ZDHHC15: variants seen among roughly 807,000 people sequenced by gnomAD.
ZDHHC15 encodes zDHHC palmitoyltransferase 15.
Under a neutral mutation model 31.7 loss-of-function variants are expected in ZDHHC15, and 19 were observed. That is an observed-to-expected ratio of 0.60 (90% CI 0.42 to 0.88). The LOEUF (loss-of-function observed/expected upper bound fraction) is 0.88. Ranked by LOEUF, ZDHHC15 falls within the 40% of genes least tolerant of loss-of-function variation. ZDHHC15 has a pLI of 0.00. For synonymous variants in ZDHHC15, 103 were observed against 90.0 expected (o/e 1.14, Z -0.82); for missense variants, 209 against 251.2 (o/e 0.83, Z 1.14).
At chrX:75,480,152 A>G (rs1245844362) in intron 2 of ZDHHC15, among the ~76,000 whole-genome samples, 1 of 111,402 alleles carries the variant, frequency 9.0e-6, no homozygotes, top group Non-Finnish European at 1.9e-5. Flanking sequence ...TTGAATTGAA[A>G]AAAAAAGAGA....
chrX:75,500,284 A>ATAC (rs1452945504), intron 2 of ZDHHC15, among the ~76,000 whole-genome samples: 1 of 109,885 alleles, frequency 9.1e-6, no homozygotes, highest in Non-Finnish European at 1.9e-5. Flanking sequence ...AATAATAATA[A>ATAC]TAATAAATGG....
intron 10 of ZDHHC15, among the ~76,000 whole-genome samples, chrX:75,414,426 C>CTTTTTTTTT (rs1177332052): frequency 4.5e-5 from 3 of 66,202 alleles, no homozygotes; most frequent in Admixed American, 2.5e-4. Context: ...CATATTTTAT[C>CTTTTTTTTT]TTTTTTTTTT....
At chrX:75,473,902 G>T (rs1488549865) in intron 3 of ZDHHC15, among the ~76,000 whole-genome samples, 2 of 111,808 alleles carry the variant, frequency 1.8e-5, no homozygotes, top group Non-Finnish European at 3.8e-5. Flanking sequence ...TTATGTAATA[G>T]CATTTGGTTT....
intron 3 of ZDHHC15, among the ~76,000 whole-genome samples, chrX:75,452,208 GAA>G (rs139024642): frequency 0.098 from 8,293 of 84,911 alleles, 1,047 homozygotes; most frequent in East Asian, 0.79. Flanking sequence ...AATAGAAAGC[GAA>G]AAAAAAAAAA....
In ZDHHC15 at chrX:75,504,263, G is replaced by T. The variant is rs188296839; in HGVS notation, c.163+1558C>A. Among the ~76,000 whole-genome samples, 413 of 111,302 alleles carry T rather than the reference G, an allele frequency of 3.7e-3. 4 individuals are homozygous for T. The highest frequency in any genetic ancestry group is 0.013 in the African/African-American group (388 of 30,742). ...TTTCTTAAGCTTTGGAGACTGAAAG[G>T]TTATGTGATTTGAGGCTTTAATTTC... On this transcript the variant is annotated intron_variant, in intron 2 of 11. Transcript: ENST00000373367.
rs759887393 is a variant in ZDHHC15, at chrX:75,417,161, C to T, written c.893G>A (p.Arg298Lys). The T allele has an allele frequency of 8.3e-7, 1 of 1,205,811 alleles. No homozygotes were observed. The highest frequency in any genetic ancestry group is 3.0e-5 in the East Asian group (1 of 33,614). The change falls in exon 10 of 12, where the codon AGG becomes AAG. Residue 298 changes from arginine (R) to lysine (K), a missense_variant. Arg to Lys is a conservative substitution (Grantham distance 26, BLOSUM62 2). Coordinates refer to ENST00000373367, the MANE Select transcript of ZDHHC15 (RefSeq NM_144969.3). ...SPGDGHSFPM[R>K]SMNESQNPLL... ...TGGGTTCTGTGACTCATTCATAGACCTCATAGGGAAGGAGTGTCCATCACC... is the reference window on the plus strand; with the variant it reads ...TGGGTTCTGTGACTCATTCATAGACTTCATAGGGAAGGAGTGTCCATCACC...
intron 7 of ZDHHC15, among the ~76,000 whole-genome samples, chrX:75,428,152 C>T (rs1263149255): frequency 9.0e-6 from 1 of 111,009 alleles, no homozygotes; most frequent in Non-Finnish European, 1.9e-5. Context: ...GCTCTGTCCA[C>T]ATCTGTCTTT....
chrX:75,433,176 T>C (rs1486004575), intron 4 of ZDHHC15, among the ~76,000 whole-genome samples: 1 of 112,182 alleles, frequency 8.9e-6, no homozygotes, highest in Non-Finnish European at 1.9e-5. Flanking sequence ...GCTGCCTATC[T>C]GCTCTTGTAA....
intron 10 of ZDHHC15, among the ~76,000 whole-genome samples, chrX:75,407,563 C>T (rs1367543843): frequency 4.6e-5 from 5 of 109,653 alleles, no homozygotes; most frequent in African/African-American, 9.9e-5. Flanking sequence ...GGGCAGCCCC[C>T]GCCCGGCCAG....
At chrX:75,373,926 G>GTTTTTTCTTTTTTTTT (rs2083027962) in intron 11 of ZDHHC15, among the ~76,000 whole-genome samples, 1 of 50,455 alleles carries the variant, frequency 2.0e-5, no homozygotes, top group African/African-American at 7.6e-5. Context: ...CATTCTTTCT[G>GTTTTTTCTTTTTTTTT]TTTTTTTTTT....
At chrX:75,387,487 C>A (rs1370273412) in intron 10 of ZDHHC15, among the ~76,000 whole-genome samples, 1 of 111,093 alleles carries the variant, frequency 9.0e-6, no homozygotes, top group Non-Finnish European at 1.9e-5. Context: ...TAGAAAAAAT[C>A]AGACAGAAAT....
chrX:75,442,612 AAGG>A lies in ZDHHC15; in HGVS notation c.379+8187_379+8189del, dbSNP rs760716828. On this transcript the variant is annotated intron_variant, in intron 4 of 11. Transcript: ENST00000373367. ...TACAAGGGATGTGAAGGACCTTTTC[AAGG>A]AGAACTACAAACTACTGCTCAATGA... Among the ~76,000 whole-genome samples the A allele has an allele frequency of 5.8e-3, 656 of 112,146 alleles. 4 individuals carry two copies. Among genetic ancestry groups the A allele is most frequent in the African/African-American group, 0.02 (615 of 30,883 alleles).
intron 10 of ZDHHC15, among the ~76,000 whole-genome samples, chrX:75,401,662 A>G (rs996834086): frequency 3.6e-5 from 4 of 112,328 alleles, no homozygotes; most frequent in African/African-American, 1.3e-4. Context: ...ACATAATGGT[A>G]AAGGGTTCGA....
chrX:75,407,632 TG>T (rs1367537823), intron 10 of ZDHHC15, among the ~76,000 whole-genome samples: 1 of 98,145 alleles, frequency 1.0e-5, no homozygotes, highest in Non-Finnish European at 2.1e-5. Flanking sequence ...GTCTGGGAGG[TG>T]GGGGGCGCCT....
chrX:75,412,132 TG>T (rs2083491596), intron 10 of ZDHHC15, among the ~76,000 whole-genome samples: 1 of 111,723 alleles, frequency 9.0e-6, no homozygotes, highest in African/African-American at 3.3e-5. Flanking sequence ...TAACTAACGT[TG>T]GTGAGGATAT....
intron 10 of ZDHHC15, among the ~76,000 whole-genome samples, chrX:75,410,130 T>C (rs1477558460): frequency 9.0e-6 from 1 of 111,299 alleles, no homozygotes; most frequent in Non-Finnish European, 1.9e-5. Flanking sequence ...AAATTATGAA[T>C]TGACTAGAAG....
intron 2 of ZDHHC15, among the ~76,000 whole-genome samples, chrX:75,493,519 T>C: frequency 8.9e-6 from 1 of 111,826 alleles, no homozygotes; most frequent in South Asian, 3.8e-4. Flanking sequence ...TGAACATCCA[T>C]GCAAAAATCC....
chrX:75,516,110 C>G (rs978618650), intron 1 of ZDHHC15, among the ~76,000 whole-genome samples: 6 of 111,886 alleles, frequency 5.4e-5, no homozygotes, highest in South Asian at 3.8e-4. Context: ...GAAGAATATT[C>G]CATGCTCATG....
chrX:75,494,417 G>T (rs1211059512), intron 2 of ZDHHC15, among the ~76,000 whole-genome samples: 1 of 111,137 alleles, frequency 9.0e-6, no homozygotes, highest in Non-Finnish European at 1.9e-5. Context: ...TTTCTTCACA[G>T]AATTGGAAAA....
Sources: gnomAD v4.1 joint callset for allele counts (sites outside exome capture counted in the v4.1 genomes callset) on GRCh38, gnomAD v4.1.1 for gene constraint, MANE v1.5 for transcripts, NCBI Gene and HGNC (gene_info 2026-07-23, HGNC 2026-07-21) for gene names.